Variants in NR3C2 observed in about 807,000 individuals in gnomAD.
NR3C2 encodes the protein nuclear receptor subfamily 3 group C member 2.
In NR3C2, 15 loss-of-function variants were observed where a neutral mutation model predicts 86.4. That is an observed-to-expected ratio of 0.17 (90% CI 0.12 to 0.27). The LOEUF (loss-of-function observed/expected upper bound fraction) is 0.27, where lower values mean the gene tolerates loss of function less well. Among genes scored for constraint, NR3C2 ranks in the 10% least tolerant of loss-of-function variants. NR3C2 has a pLI of 1.00. For synonymous variants in NR3C2, 458 were observed against 450.5 expected (o/e 1.02, Z -0.21); for missense variants, 960 against 1,195.6 (o/e 0.80, Z 2.91).
chr4:148,403,495 G>A lies in NR3C2; in HGVS notation c.1757+31609C>T, dbSNP rs184954697. Among the ~76,000 whole-genome samples, 3 of 152,046 alleles carry A rather than the reference G, an allele frequency of 2.0e-5. No individual in the cohort carries two copies. In the East Asian group the frequency reaches 5.8e-4, roughly 29 times the overall value. ...GAAATGTTCTATTTTCTAATGACAG[G>A]GAGAAAAATATCTATTTCAATGCCT... On this transcript the variant is annotated intron_variant, in intron 2 of 8. Coordinates refer to ENST00000358102, the MANE Select transcript of NR3C2 (RefSeq NM_000901.5).
chr4:148,226,204 T>C (rs1207752957), intron 3 of NR3C2, among the ~76,000 whole-genome samples: 1 of 152,166 alleles, frequency 6.6e-6, no homozygotes, highest in Non-Finnish European at 1.5e-5. Context: ...AGGTAAAATG[T>C]ATCGTACAAT....
At chr4:148,355,045 T>C (rs1272457644) in intron 2 of NR3C2, among the ~76,000 whole-genome samples, 1 of 152,226 alleles carries the variant, frequency 6.6e-6, no homozygotes, top group Non-Finnish European at 1.5e-5. Context: ...AATAACAGTT[T>C]TAATGGAATT....
intron 8 of NR3C2, among the ~76,000 whole-genome samples, chr4:148,089,948 G>T (rs577251444): frequency 1.3e-5 from 2 of 152,218 alleles, no homozygotes; most frequent in African/African-American, 4.8e-5. Flanking sequence ...GTTTTAACCC[G>T]AGGGTAGACA....
intron 2 of NR3C2, among the ~76,000 whole-genome samples, chr4:148,378,424 T>C (rs1446515174): frequency 2.2e-4 from 34 of 151,878 alleles, no homozygotes; most frequent in African/African-American, 8.0e-4. Context: ...TTGGTTTGGA[T>C]ATGGGTTCCC....
intron 7 of NR3C2, 100 bp from the exon 8 acceptor site, chr4:148,114,361 ATCTC>A (rs1339137475): frequency 1.6e-6 from 2 of 1,247,566 alleles, no homozygotes; most frequent in Non-Finnish European, 2.3e-6. Flanking sequence ...TAGATACTAA[ATCTC>A]AATTAATTGC....
chr4:148,142,478 C>A (rs1733659021), intron 6 of NR3C2, among the ~76,000 whole-genome samples: 1 of 152,078 alleles, frequency 6.6e-6, no homozygotes. Flanking sequence ...GTGATTGGAT[C>A]TCAGGGGTGC....
At chr4:148,372,580 C>T (rs1047273895) in intron 2 of NR3C2, among the ~76,000 whole-genome samples, 3 of 152,080 alleles carry the variant, frequency 2.0e-5, no homozygotes, top group East Asian at 3.9e-4. Context: ...TACAAGCAAT[C>T]TAGTTCACAG....
chr4:148,414,647 T>G (rs1748906984), intron 2 of NR3C2, among the ~76,000 whole-genome samples: 1 of 152,178 alleles, frequency 6.6e-6, no homozygotes, highest in African/African-American at 2.4e-5. Context: ...TCAAAAATTA[T>G]TACCAGTTGG....
chr4:148,430,409 T>C (rs1310053747), intron 2 of NR3C2, among the ~76,000 whole-genome samples: 1 of 152,146 alleles, frequency 6.6e-6, no homozygotes, highest in Non-Finnish European at 1.5e-5. Context: ...TTGTGTATTA[T>C]AAAACACTTA....
At chr4:148,091,684 G>A (rs763990157) in intron 8 of NR3C2, among the ~76,000 whole-genome samples, 2 of 152,190 alleles carry the variant, frequency 1.3e-5, no homozygotes, top group Admixed American at 6.5e-5. Flanking sequence ...TAGTGCACGG[G>A]TACACATTGA....
In NR3C2 at chr4:148,216,226, C is replaced by T. The variant is rs372085681; in HGVS notation, c.1898-21364G>A. ...ATCACAAAATATTTTTGACTCCCCA[C>T]CACCCCCCCAACCATTTAGTTCCCA... On this transcript the variant is annotated intron_variant, in intron 3 of 8. Coordinates refer to ENST00000358102, the MANE Select transcript of NR3C2 (RefSeq NM_000901.5). 1.6e-3 allele frequency among the ~76,000 whole-genome samples: 236 copies of T among 151,914 alleles called. 1 individual carries two copies. The highest frequency in any genetic ancestry group is 1.3e-3 in the Non-Finnish European group (89 of 67,990).
intron 2 of NR3C2, among the ~76,000 whole-genome samples, chr4:148,344,941 A>T (rs1354425716): frequency 6.6e-6 from 1 of 152,184 alleles, no homozygotes; most frequent in Non-Finnish European, 1.5e-5. Context: ...GATTAAAGAC[A>T]AATTCAAGTT....
chr4:148,278,029 T>A (rs895335963), intron 2 of NR3C2, among the ~76,000 whole-genome samples: 2 of 152,218 alleles, frequency 1.3e-5, no homozygotes, highest in Admixed American at 1.3e-4. Context: ...ATTAATAACA[T>A]TATTTCATAA....
chr4:148,253,023 TC>T (rs58061216), intron 3 of NR3C2, among the ~76,000 whole-genome samples: 6,604 of 152,296 alleles, frequency 0.043, 457 homozygotes, highest in African/African-American at 0.15. Context: ...CAAGCAGCTG[TC>T]TTTGGATAAT....
intron 3 of NR3C2, 23 bp downstream of exon 3, chr4:148,259,954 AG>A: frequency 6.2e-7 from 1 of 1,613,990 alleles, no homozygotes; most frequent in Non-Finnish European, 8.5e-7. Flanking sequence ...AATATGTAAA[AG>A]GAACACCCAC....
intron 2 of NR3C2, among the ~76,000 whole-genome samples, chr4:148,378,292 A>T (rs1746780465): frequency 6.6e-6 from 1 of 152,154 alleles, no homozygotes; most frequent in Non-Finnish European, 1.5e-5. Context: ...AGGAAGACTC[A>T]TACACTTCTG....
At chr4:148,389,690 T>C (rs192453640) in intron 2 of NR3C2, among the ~76,000 whole-genome samples, 231 of 152,302 alleles carry the variant, frequency 1.5e-3, no homozygotes, top group Non-Finnish European at 2.7e-3. Context: ...AGCACTTTTT[T>C]TGACTGATAA....
At chr4:148,106,549 T>A (rs1429260013) in intron 8 of NR3C2, among the ~76,000 whole-genome samples, 1 of 152,200 alleles carries the variant, frequency 6.6e-6, no homozygotes, top group Non-Finnish European at 1.5e-5. Flanking sequence ...AGAGCCCGTA[T>A]AGCCAAGACA....
intron 6 of NR3C2, among the ~76,000 whole-genome samples, chr4:148,143,755 G>A (rs2149755925): frequency 6.6e-6 from 1 of 152,116 alleles, no homozygotes; most frequent in African/African-American, 2.4e-5. Flanking sequence ...AGACCAGCCT[G>A]ACCAACATGG....
Sources: gnomAD v4.1 joint callset for allele counts (sites outside exome capture counted in the v4.1 genomes callset) on GRCh38, gnomAD v4.1.1 for gene constraint, MANE v1.5 for transcripts, NCBI Gene and HGNC (gene_info 2026-07-23, HGNC 2026-07-21) for gene names.